AFAP1: variants seen among roughly 807,000 people sequenced by gnomAD.
AFAP1 encodes actin filament associated protein 1.
In AFAP1, 75 loss-of-function variants were observed where a neutral mutation model predicts 93.9. The observed-to-expected ratio is 0.80, with a 90% CI of 0.66 to 0.97. The LOEUF is 0.97. Ranked by LOEUF, AFAP1 falls within the 50% of genes least tolerant of loss-of-function variation. The pLI is 0.00. For missense variants in AFAP1, 1,201 were observed against 1,050.8 expected (o/e 1.14, Z -1.98); for synonymous variants, 517 against 430.7 (o/e 1.20, Z -2.48).
rs1225542009 is a variant in AFAP1 at position 7,761,660 on chromosome 4, A to C, written c.*2105T>G. ...TTCTCTTTGGCAAAGCAGGCTGCCA[A>C]TCAGAGTGGCCCAAGAGTGTCAACC... On this transcript the variant is annotated 3_prime_UTR_variant, in exon 18 of 18. Transcript: ENST00000420658. The C allele has an allele frequency of 5.9e-5, 9 of 152,292 alleles. No individual in the cohort carries two copies. The highest frequency in any genetic ancestry group is 2.2e-4 in the African/African-American group (9 of 41,480). The allele number at this position is 152,292 out of a possible 1,614,324, so 9.4% of individuals were successfully genotyped here.
intron 1 of AFAP1, among the ~76,000 whole-genome samples, chr4:7,888,542 T>C (rs1718261569): frequency 6.6e-6 from 1 of 152,172 alleles, no homozygotes; most frequent in Non-Finnish European, 1.5e-5. Flanking sequence ...AGATGCAAAC[T>C]TTCAGAAACG....
chr4:7,821,626 A>C (rs1201518632), intron 6 of AFAP1, among the ~76,000 whole-genome samples: 2 of 152,194 alleles, frequency 1.3e-5, no homozygotes, highest in African/African-American at 4.8e-5. Flanking sequence ...AAATTTTCAA[A>C]ATGTCTTCTA....
rs368379619 is a variant in AFAP1, at chr4:7,852,271, A to G, written c.334+3195T>C. Among the ~76,000 whole-genome samples the G allele has an allele frequency of 3.3e-5, 5 of 152,304 alleles. No individual in the cohort carries two copies. The East Asian group carries it at 7.7e-4, about 23-fold the overall frequency. On this transcript the variant is annotated intron_variant, in intron 4 of 17. Transcript: ENST00000420658. Reference sequence around the variant, plus strand: ...CTATTACCCCCAGTGACCCACTAACAAAATGCTTGCTTTCCTTCCCTAAAA... The same window carrying G: ...CTATTACCCCCAGTGACCCACTAACGAAATGCTTGCTTTCCTTCCCTAAAA...
chr4:7,831,393 TAA>T (rs34512873), intron 6 of AFAP1, among the ~76,000 whole-genome samples: 23 of 137,816 alleles, frequency 1.7e-4, no homozygotes, highest in Admixed American at 4.4e-4. Flanking sequence ...CAGCAAATGC[TAA>T]AAAAAAAAAA....
chr4:7,771,075 T>C (rs1715359679), intron 16 of AFAP1, among the ~76,000 whole-genome samples: 1 of 152,248 alleles, frequency 6.6e-6, no homozygotes, highest in Non-Finnish European at 1.5e-5. Flanking sequence ...TCAGCACTGT[T>C]TCACTGTTCT....
At position 7,783,872 on chromosome 4, in the gene AFAP1, G is replaced by C. The variant is rs146277101; in HGVS notation, c.1531-2245C>G. On this transcript the variant is annotated intron_variant, in intron 12 of 17. Coordinates refer to ENST00000420658, the MANE Select transcript of AFAP1 (RefSeq NM_001134647.2). The stretch of plus-strand genomic sequence containing the variant: ...GAAAAGGCGTGTGAAAGGGTCTTTG[G>C]GGGGGACGGGCTAGACACAGGCTCA... Among the ~76,000 whole-genome samples the C allele has an allele frequency of 3.6e-4, 55 of 152,302 alleles. No homozygotes were observed. In the East Asian group the frequency reaches 8.7e-3, roughly 24 times the overall value.
chr4:7,831,732 A>G (rs1001409867), intron 6 of AFAP1, among the ~76,000 whole-genome samples: 1 of 152,230 alleles, frequency 6.6e-6, no homozygotes, highest in Non-Finnish European at 1.5e-5. Context: ...GAAATTTCAG[A>G]GCGGCCTTTT....
chr4:7,873,713 G>A (rs938874680), intron 1 of AFAP1, among the ~76,000 whole-genome samples: 4 of 152,034 alleles, frequency 2.6e-5, no homozygotes, highest in African/African-American at 7.3e-5. Context: ...TCCTGCACAC[G>A]AAATACCACA....
chr4:7,853,212 A>C (rs1050685000), intron 4 of AFAP1, among the ~76,000 whole-genome samples: 1 of 150,950 alleles, frequency 6.6e-6, no homozygotes, highest in African/African-American at 2.4e-5. Context: ...GATAGGGCAG[A>C]GGGGAGCAGT....
intron 1 of AFAP1, among the ~76,000 whole-genome samples, chr4:7,883,210 G>A (rs1048094202): frequency 1.7e-4 from 25 of 144,050 alleles, no homozygotes; most frequent in Admixed American, 9.7e-4. Flanking sequence ...AAAAAAAAGA[G>A]GAGGAGGAGG....
chr4:7,798,294 G>A lies in AFAP1; in HGVS notation c.1266+2148C>T, dbSNP rs557627616. ...CTGCAACTCTACTGGCTGGCTCACG[G>A]CATTGCAACCCTATTGGCTGGCTCA... On this transcript the variant is annotated intron_variant, in intron 10 of 17. Transcript: ENST00000420658. Among the ~76,000 whole-genome samples, 144 of 143,328 alleles carry A rather than the reference G, an allele frequency of 1.0e-3. 9 individuals are homozygous for A. Among genetic ancestry groups the A allele is most frequent in the South Asian group, 1.7e-3 (7 of 4,220 alleles). The allele number at this position is 143,328 out of a possible 152,430, so 94.0% of individuals were successfully genotyped here.
chr4:7,801,414 A>G (rs2149032417), intron 9 of AFAP1, among the ~76,000 whole-genome samples: 1 of 152,230 alleles, frequency 6.6e-6, no homozygotes, highest in East Asian at 1.9e-4. Context: ...GAATGACAGG[A>G]AAAATTATTA....
chr4:7,884,860 T>A (rs1036974123), intron 1 of AFAP1, among the ~76,000 whole-genome samples: 4 of 152,146 alleles, frequency 2.6e-5, no homozygotes, highest in African/African-American at 4.8e-5. Flanking sequence ...TCCTGGAGAA[T>A]GACAAACATG....
intron 12 of AFAP1, among the ~76,000 whole-genome samples, chr4:7,785,383 G>C (rs1192065175): frequency 6.6e-6 from 1 of 152,134 alleles, no homozygotes; most frequent in African/African-American, 2.4e-5. Context: ...TGGATATACA[G>C]ATAGCGCTGT....
chr4:7,858,947 T>C (rs1000318823), intron 3 of AFAP1, among the ~76,000 whole-genome samples: 1 of 152,176 alleles, frequency 6.6e-6, no homozygotes, highest in African/African-American at 2.4e-5. Context: ...CGTGCGAATC[T>C]CTGGGCAGAG....
Position 7,774,922 on chromosome 4 carries a change from C to G in AFAP1, c.1898-19G>C. 1 of 1,596,848 alleles carries G rather than the reference C, an allele frequency of 6.3e-7. No homozygotes were observed. The highest frequency in any genetic ancestry group is 1.4e-5 in the African/African-American group (1 of 73,798). On this transcript the variant is annotated intron_variant, in intron 14 of 17. Transcript: ENST00000420658. ...GCAGCATCTTGAGAAGAAAAAAAAGCAGCAATTAAAAATTAGGTTTACTAG... is the reference window on the plus strand; with the variant it reads ...GCAGCATCTTGAGAAGAAAAAAAAGGAGCAATTAAAAATTAGGTTTACTAG...
chr4:7,880,302 C>T (rs1251364726), intron 1 of AFAP1, among the ~76,000 whole-genome samples: 6 of 104,280 alleles, frequency 5.8e-5, no homozygotes, highest in South Asian at 3.3e-4. Flanking sequence ...TTTTTTGAGA[C>T]GGAGTCTCAC....
intron 6 of AFAP1, among the ~76,000 whole-genome samples, chr4:7,826,950 G>T (rs1721478335): frequency 1.3e-5 from 2 of 152,154 alleles, no homozygotes; most frequent in Admixed American, 6.5e-5. Flanking sequence ...AATGACCAAA[G>T]ATGTTAAAAT....
At chr4:7,778,437 AGGAGCTGAGGTCTCCTGACCT>A in intron 14 of AFAP1, 1 of 419,568 alleles carries the variant, frequency 2.4e-6, no homozygotes. Flanking sequence ...GATCAGGGAC[AGGAGCTGAGGTCTCCTGACCT>A]GGAGCCCAGG....
Sources: gnomAD v4.1 joint callset for allele counts (sites outside exome capture counted in the v4.1 genomes callset) on GRCh38, gnomAD v4.1.1 for gene constraint, MANE v1.5 for transcripts, NCBI Gene and HGNC (gene_info 2026-07-23, HGNC 2026-07-21) for gene names.